The following TEX14 variants were observed in gnomAD, a reference collection of about 807,000 sequenced individuals.
TEX14 encodes the protein inactive serine/threonine-protein kinase TEX14.
A neutral mutation model predicts 178.6 loss-of-function variants in TEX14; 168 were observed. That is an observed-to-expected ratio of 0.94 (90% CI 0.83 to 1.07). The LOEUF is 1.07. Ranked by LOEUF, TEX14 falls within the 50% of genes least tolerant of loss-of-function variation. The probability of loss-of-function intolerance (pLI) is 0.00; values close to 1 mark genes in which losing one functional copy is unlikely to be tolerated. For missense variants in TEX14, 1,730 were observed against 1,753.6 expected, an observed-to-expected ratio of 0.99 and a Z score of 0.24; for synonymous variants, 626 against 634.1, an observed-to-expected ratio of 0.99 and a Z score of 0.19.
intron 28 of TEX14, among the ~76,000 whole-genome samples, chr17:58,562,301 G>A (rs2044288918): frequency 6.6e-6 from 1 of 152,130 alleles, no homozygotes; most frequent in Non-Finnish European, 1.5e-5. Flanking sequence ...AAGATGCAGG[G>A]TAGAGTATTT....
intron 1 of TEX14, among the ~76,000 whole-genome samples, chr17:58,653,798 A>T (rs2046890269): frequency 6.6e-6 from 1 of 152,218 alleles, no homozygotes; most frequent in Non-Finnish European, 1.5e-5. Context: ...CCTTTGTGGC[A>T]GTCCAGGTTT....
At chr17:58,625,602 T>A (rs1395261337) in intron 3 of TEX14, among the ~76,000 whole-genome samples, 2 of 152,250 alleles carry the variant, frequency 1.3e-5, no homozygotes, top group Non-Finnish European at 2.9e-5. Context: ...TCAAAATGTG[T>A]ACTATCATAT....
At position 58,615,261 on chromosome 17, in the gene TEX14, G is replaced by A; in HGVS notation, c.852C>T (p.Asp284=). 1 of 1,613,596 alleles carries A rather than the reference G, an allele frequency of 6.2e-7. No homozygotes were observed. Among genetic ancestry groups the A allele is most frequent in the Non-Finnish European group, 8.5e-7 (1 of 1,179,598 alleles). The change falls in exon 8 of 32, where the codon GAC becomes GAT. Residue 284 remains aspartate, a synonymous_variant. Coordinates refer to ENST00000349033, the MANE Select transcript of TEX14 (RefSeq NM_031272.5). ...TGTGTTCCTGCTCGGCAATTAACAAGTCGGCCAGCCGCAGCCTGCTGCAGT... is the reference window on the plus strand; with the variant it reads ...TGTGTTCCTGCTCGGCAATTAACAAATCGGCCAGCCGCAGCCTGCTGCAGT... The part of the protein sequence containing the change: ...HPHCSRLRLA[D]LLIAEQEHSS...
chr17:58,677,939 C>G (rs2047421276), intron 1 of TEX14, among the ~76,000 whole-genome samples: 1 of 152,228 alleles, frequency 6.6e-6, no homozygotes, highest in Non-Finnish European at 1.5e-5. Flanking sequence ...ATCACGAGGT[C>G]AGGAGTTCAA....
chr17:58,635,271 CTATT>C (rs1319819390), intron 2 of TEX14, among the ~76,000 whole-genome samples: 2 of 152,044 alleles, frequency 1.3e-5, no homozygotes, highest in African/African-American at 4.8e-5. Context: ...AAATCTCAAA[CTATT>C]TATAGTTATT....
chr17:58,580,823 C>T (rs1309460794), intron 19 of TEX14, among the ~76,000 whole-genome samples: 1 of 151,928 alleles, frequency 6.6e-6, no homozygotes, highest in African/African-American at 2.4e-5. Flanking sequence ...AGGCAGATTC[C>T]CAAGAAAACT....
chr17:58,602,047 C>G, intron 12 of TEX14, 91 bp from the exon 13 acceptor site: 1 of 1,350,832 alleles, frequency 7.4e-7, no homozygotes. Flanking sequence ...CTGATAAACT[C>G]CCTCTTATTC....
rs1567726850 is a variant in TEX14 at position 58,599,106 on chromosome 17, TATC to T, written c.2236_2238del (p.Asp746del). ...AATATCTGCTCGATATTCCTCAGCC[TATC>T]ATCATTCTCGTGCATTATTGTCTGC... On this transcript the variant is annotated inframe_deletion, in exon 14 of 32. Coordinates refer to ENST00000349033, the MANE Select transcript of TEX14 (RefSeq NM_031272.5). 30 of 1,614,188 alleles carry T rather than the reference TATC, an allele frequency of 1.9e-5. No homozygotes were observed. The highest frequency in any genetic ancestry group is 2.4e-5 in the Non-Finnish European group (28 of 1,180,008).
intron 12 of TEX14, 30 bp from the exon 13 acceptor site, chr17:58,601,986 T>C (rs1165989196): frequency 1.2e-6 from 2 of 1,610,508 alleles, no homozygotes; most frequent in South Asian, 2.2e-5. Context: ...GTCAAGGACA[T>C]AGTCTCAGTC....
At chr17:58,646,527 G>T (rs2046712023) in intron 2 of TEX14, among the ~76,000 whole-genome samples, 2 of 151,840 alleles carry the variant, frequency 1.3e-5, no homozygotes, top group Non-Finnish European at 2.9e-5. Flanking sequence ...TTTCAGAGAT[G>T]GAATCTCACT....
intron 2 of TEX14, among the ~76,000 whole-genome samples, chr17:58,640,856 G>A (rs2046557823): frequency 6.6e-6 from 1 of 151,922 alleles, no homozygotes; most frequent in Non-Finnish European, 1.5e-5. Context: ...AGTAGCTGGG[G>A]CTACAGGTGC....
chr17:58,610,090 AAAG>A lies in TEX14; in HGVS notation c.1184+1068_1184+1070del, dbSNP rs1474905490. 2.0e-5 allele frequency among the ~76,000 whole-genome samples: 3 copies of A among 152,356 alleles called. No homozygotes were observed. The East Asian group carries it at 5.8e-4, about 29-fold the overall frequency. On this transcript the variant is annotated intron_variant, in intron 10 of 31. Coordinates refer to ENST00000349033, the MANE Select transcript of TEX14 (RefSeq NM_031272.5). ...GCGCAGGGGAGAGCCTCTGCCTCTCAAAGCTTGGGGGCTCTCAGGAAGACTTTG... is the reference window on the plus strand; with the variant it reads ...GCGCAGGGGAGAGCCTCTGCCTCTCACTTGGGGGCTCTCAGGAAGACTTTG...
At chr17:58,563,402 C>T (rs1252220186) in intron 28 of TEX14, among the ~76,000 whole-genome samples, 1 of 151,768 alleles carries the variant, frequency 6.6e-6, no homozygotes. Context: ...GAGACTGAAA[C>T]TTGTGTTTGC....
At chr17:58,602,662 A>C in intron 11 of TEX14, 72 bp from the exon 12 acceptor site, 4 of 1,294,900 alleles carry the variant, frequency 3.1e-6, no homozygotes, top group Non-Finnish European at 4.3e-6. Context: ...AAGAAATCAG[A>C]TGAAGCTGGG....
intron 2 of TEX14, among the ~76,000 whole-genome samples, chr17:58,636,023 G>T (rs1437668375): frequency 6.6e-6 from 1 of 152,096 alleles, no homozygotes; most frequent in Non-Finnish European, 1.5e-5. Flanking sequence ...AGGATTACAG[G>T]CGTGAGCCAC....
chr17:58,561,759 G>A (rs555370041), intron 28 of TEX14, 147 bp from the exon 29 acceptor site: 1 of 606,208 alleles, frequency 1.6e-6, no homozygotes, highest in African/African-American at 1.8e-5. Flanking sequence ...GTGAGATTGT[G>A]TCTGGAGTCA....
chr17:58,602,353 C>T, intron 12 of TEX14, 47 bp downstream of exon 12: 2 of 1,529,952 alleles, frequency 1.3e-6, no homozygotes, highest in East Asian at 2.3e-5. Context: ...CCCTATTCTC[C>T]TGAGTTAGGT....
At chr17:58,570,616 CTTTTTTTTTT>C in intron 24 of TEX14, 132 bp from the exon 25 acceptor site, 4 of 84,602 alleles carry the variant, frequency 4.7e-5, no homozygotes, top group South Asian at 2.0e-4. Context: ...GGGAAGCCTC[CTTTTTTTTTT>C]TTTTTTTTTT....
intron 4 of TEX14, among the ~76,000 whole-genome samples, chr17:58,622,020 G>A (rs530839594): frequency 1.3e-5 from 2 of 152,318 alleles, no homozygotes; most frequent in South Asian, 2.1e-4. Flanking sequence ...AGGCCAAGAC[G>A]AGTAAAATTT....
Sources: gnomAD v4.1 joint callset for allele counts (sites outside exome capture counted in the v4.1 genomes callset) on GRCh38, gnomAD v4.1.1 for gene constraint, MANE v1.5 for transcripts, NCBI Gene and HGNC (gene_info 2026-07-23, HGNC 2026-07-21) for gene names.